The following EPHB1 variants were observed in gnomAD, a reference collection of about 807,000 sequenced individuals.
The protein encoded by EPHB1 is ephrin type-B receptor 1.
In EPHB1, 30 loss-of-function variants were observed where a neutral mutation model predicts 94.4. The ratio of observed to expected loss-of-function variants is 0.32; its 90% CI spans 0.24 to 0.43. The LOEUF (loss-of-function observed/expected upper bound fraction) is 0.43. EPHB1 is among the 20% of genes least tolerant of loss of function. The pLI, the probability that EPHB1 is intolerant of heterozygous loss-of-function variation, is 1.00. For missense variants in EPHB1, 1,055 were observed against 1,308.3 expected (o/e 0.81, Z 2.99); for synonymous variants, 522 against 489.1 (o/e 1.07, Z -0.89).
intron 1 of EPHB1, among the ~76,000 whole-genome samples, chr3:134,909,360 T>G (rs10512936): frequency 0.016 from 2,480 of 152,284 alleles, 69 homozygotes; most frequent in African/African-American, 0.057. Context: ...AGTAAGTGCC[T>G]CATCTTTGGA....
intron 3 of EPHB1, among the ~76,000 whole-genome samples, chr3:134,969,769 A>T (rs907338080): frequency 2.0e-5 from 3 of 152,176 alleles, no homozygotes; most frequent in Non-Finnish European, 4.4e-5. Context: ...TGAGAAGAAT[A>T]TCCCACTGGA....
chr3:134,992,833 G>GCTTCC (rs1477856439), intron 3 of EPHB1, among the ~76,000 whole-genome samples: 7 of 152,136 alleles, frequency 4.6e-5, no homozygotes, highest in African/African-American at 1.4e-4. Flanking sequence ...CTTCCTTATT[G>GCTTCC]CTGTATTTGC....
intron 5 of EPHB1, among the ~76,000 whole-genome samples, chr3:135,134,113 G>A (rs1326604721): frequency 6.6e-6 from 1 of 152,276 alleles, no homozygotes; most frequent in Non-Finnish European, 1.5e-5. Context: ...CAAGGCTGCA[G>A]AGGGGAAGTG....
chr3:135,102,723 C>T (rs900499090), intron 3 of EPHB1, among the ~76,000 whole-genome samples: 4 of 152,148 alleles, frequency 2.6e-5, no homozygotes, highest in Non-Finnish European at 5.9e-5. Flanking sequence ...GACTTGGAAC[C>T]AACCCAAATG....
chr3:135,156,522 T>G (rs1362187645), intron 6 of EPHB1, among the ~76,000 whole-genome samples: 1 of 152,168 alleles, frequency 6.6e-6, no homozygotes, highest in Non-Finnish European at 1.5e-5. Flanking sequence ...AGTTTTACAT[T>G]TATAGAATGG....
intron 1 of EPHB1, among the ~76,000 whole-genome samples, chr3:134,871,805 C>A (rs894177903): frequency 6.6e-6 from 1 of 152,194 alleles, no homozygotes; most frequent in Non-Finnish European, 1.5e-5. Context: ...CAAATGGGCG[C>A]TGCTCTTCCC....
At chr3:134,937,982 G>A (rs1195693645) in intron 2 of EPHB1, among the ~76,000 whole-genome samples, 4 of 151,100 alleles carry the variant, frequency 2.6e-5, no homozygotes, top group Non-Finnish European at 5.9e-5. Flanking sequence ...GGCTGGTGGG[G>A]TGGGCGATGA....
chr3:135,114,537 TAAAAAAAAAAAAAAAA>T (rs56100882), intron 4 of EPHB1, among the ~76,000 whole-genome samples: 8 of 37,218 alleles, frequency 2.1e-4, no homozygotes, highest in Non-Finnish European at 9.2e-5. Flanking sequence ...CTGTCTCTAC[TAAAAAAAAAAAAAAAA>T]AAAAAAAAAA....
At chr3:134,822,296 A>G (rs551625767) in intron 1 of EPHB1, among the ~76,000 whole-genome samples, 1 of 152,198 alleles carries the variant, frequency 6.6e-6, no homozygotes, top group African/African-American at 2.4e-5. Context: ...CTGTCCAGGC[A>G]TGGTCAAACT....
chr3:135,255,633 C>G (rs1933348478), intron 15 of EPHB1, among the ~76,000 whole-genome samples: 2 of 149,964 alleles, frequency 1.3e-5, no homozygotes. Flanking sequence ...AGCTTTACTT[C>G]CAAGTATGTG....
At chr3:134,830,658 A>C (rs182360658) in intron 1 of EPHB1, among the ~76,000 whole-genome samples, 21 of 152,088 alleles carry the variant, frequency 1.4e-4, no homozygotes, top group Admixed American at 9.2e-4. Flanking sequence ...TTTCCCTCTC[A>C]AAAACGAAAC....
At chr3:135,234,486 T>C (rs1456470065) in intron 12 of EPHB1, among the ~76,000 whole-genome samples, 1 of 152,232 alleles carries the variant, frequency 6.6e-6, no homozygotes, top group African/African-American at 2.4e-5. Flanking sequence ...CCTCTGCCTG[T>C]TACTCAGTTC....
intron 4 of EPHB1, among the ~76,000 whole-genome samples, chr3:135,115,954 G>A (rs147185643): frequency 2.3e-4 from 35 of 152,250 alleles, no homozygotes; most frequent in African/African-American, 6.7e-4. Flanking sequence ...AGTGGCTCAC[G>A]CCTGTAATCC....
chr3:134,945,376 A>G (rs1487315138), intron 2 of EPHB1, among the ~76,000 whole-genome samples: 1 of 152,134 alleles, frequency 6.6e-6, no homozygotes, highest in East Asian at 1.9e-4. Context: ...TAATGTTTAA[A>G]TCTTGGGTTC....
chr3:135,091,408 G>A (rs1351329309), intron 3 of EPHB1, among the ~76,000 whole-genome samples: 1 of 152,186 alleles, frequency 6.6e-6, no homozygotes, highest in South Asian at 2.1e-4. Flanking sequence ...TCAATCACAG[G>A]TAGTTTGTGC....
chr3:135,190,460 A>G (rs1942425709), intron 10 of EPHB1, among the ~76,000 whole-genome samples: 1 of 152,230 alleles, frequency 6.6e-6, no homozygotes, highest in South Asian at 2.1e-4. Context: ...TTCAGCTCAT[A>G]GTTATATATA....
At chr3:135,237,775 G>A (rs1225205032) in intron 12 of EPHB1, among the ~76,000 whole-genome samples, 1 of 152,176 alleles carries the variant, frequency 6.6e-6, no homozygotes, top group Non-Finnish European at 1.5e-5. Context: ...ACCCAATGGA[G>A]CAAGCACTCC....
chr3:135,114,249 G>A (rs756390084), intron 4 of EPHB1, among the ~76,000 whole-genome samples: 1 of 152,102 alleles, frequency 6.6e-6, no homozygotes, highest in Admixed American at 6.5e-5. Context: ...ATTGCTAAGA[G>A]TGTGGGCTCT....
chr3:134,969,537 G>A lies in EPHB1; in HGVS notation c.805+17485G>A, dbSNP rs77656949. 6.4e-3 allele frequency among the ~76,000 whole-genome samples: 978 copies of A among 152,254 alleles called. 8 individuals are homozygous for A. Among genetic ancestry groups the A allele is most frequent in the African/African-American group, 0.022 (925 of 41,554 alleles). On this transcript the variant is annotated intron_variant, in intron 3 of 15. Transcript: ENST00000398015. Reference sequence around the variant, plus strand: ...ACGCTAGTTTCTGTTTCTGATCTGTGATGAAGGCCTTCATTTAAGGAAGAC... The same window carrying A: ...ACGCTAGTTTCTGTTTCTGATCTGTAATGAAGGCCTTCATTTAAGGAAGAC...
Sources: allele counts gnomAD v4.1 joint callset (sites outside exome capture counted in the v4.1 genomes callset), GRCh38; gene constraint gnomAD v4.1.1; transcripts MANE v1.5; gene names NCBI Gene and HGNC (gene_info 2026-07-23, HGNC 2026-07-21).